HOXB3: variants seen among roughly 807,000 people sequenced by gnomAD.
The protein encoded by HOXB3 is homeobox protein Hox-B3.
A neutral mutation model predicts 29.2 loss-of-function variants in HOXB3; 17 were observed. The observed-to-expected ratio is 0.58, with a 90% confidence interval of 0.40 to 0.87. The LOEUF (loss-of-function observed/expected upper bound fraction) is 0.87, where lower values mean the gene tolerates loss of function less well. Among genes scored for constraint, HOXB3 ranks in the 40% least tolerant of loss-of-function variants. The pLI, the probability that HOXB3 is intolerant of heterozygous loss-of-function variation, is 0.00. For missense variants in HOXB3, 637 were observed against 616.3 expected (o/e 1.03, Z -0.35); for synonymous variants, 317 against 285.9 (o/e 1.11, Z -1.10).
At chr17:48,578,627 CAGAGAGAGAGCG>C in intron 1 of HOXB3, 1 of 346,240 alleles carries the variant, frequency 2.9e-6, no homozygotes, top group Non-Finnish European at 5.3e-6. Flanking sequence ...TCTCCGGGAT[CAGAGAGAGAGCG>C]AGAGAGAGAG....
In HOXB3 at chr17:48,550,181, C is replaced by CT; in HGVS notation, c.*152_*153insA. On this transcript the variant is annotated 3_prime_UTR_variant, in exon 5 of 5. Transcript: ENST00000498678. The stretch of plus-strand genomic sequence containing the variant: ...AAGACTTAAAAGCAACCTCTCAGGC[C>CT]AGGGGGAAGGGAAGGAGCTCCAGGC... The CT allele has an allele frequency of 3.0e-6, 3 of 983,820 alleles. No individual in the cohort carries two copies. The highest frequency in any genetic ancestry group is 1.6e-5 in the African/African-American group (1 of 61,010). The allele number at this position is 983,820 out of a possible 1,614,324, so 60.9% of individuals were successfully genotyped here.
At position 48,550,028 on chromosome 17, in the gene HOXB3, C is replaced by T; in HGVS notation, c.*306G>A. 2.8e-6 allele frequency: 1 copy of T among 357,810 alleles called. No individual in the cohort carries two copies. Among genetic ancestry groups the T allele is most frequent in the Non-Finnish European group, 5.1e-6 (1 of 195,758 alleles). 22.2% of individuals were successfully genotyped at this position (357,810 alleles called of 1,614,324 possible). A position where few individuals can be genotyped will look rare whatever the true frequency, so the allele number is the denominator to read the frequency against. On this transcript the variant is annotated 3_prime_UTR_variant, in exon 5 of 5. Transcript: ENST00000498678. ...TTTCTGCCTCGTCCTGTCTCGTCTT[C>T]CTCTACCCCACTCCCGGGCGTGGAA...
At chr17:48,560,593 T>C (rs1346379624) in intron 2 of HOXB3, among the ~76,000 whole-genome samples, 2 of 152,144 alleles carry the variant, frequency 1.3e-5, no homozygotes, top group African/African-American at 2.4e-5. Context: ...TCCCCTCCCC[T>C]GCTAGCCTCT....
chr17:48,576,595 T>C, intron 1 of HOXB3: 1 of 759,262 alleles, frequency 1.3e-6, no homozygotes, highest in East Asian at 2.7e-5. Context: ...GTATATAAAG[T>C]GTGGGGGAGG....
intron 1 of HOXB3, chr17:48,575,299 GC>G (rs2069723540): frequency 6.6e-6 from 1 of 152,050 alleles, no homozygotes; most frequent in African/African-American, 2.4e-5. Context: ...AAAATTAAAA[GC>G]CCCAAAACAA....
At chr17:48,552,658 G>C (rs1004975604) in intron 3 of HOXB3, 26 bp from the exon 4 acceptor site, 41 of 544,856 alleles carry the variant, frequency 7.5e-5, no homozygotes, top group Non-Finnish European at 1.2e-4. Context: ...AGAGACACAA[G>C]GGGGAGAAGA....
At chr17:48,572,929 G>A (rs1177454710) in intron 2 of HOXB3, among the ~76,000 whole-genome samples, 2 of 152,046 alleles carry the variant, frequency 1.3e-5, no homozygotes, top group African/African-American at 4.8e-5. Context: ...TTCTAATACT[G>A]AGCTAATCGC....
chr17:48,571,384 C>T (rs2069580633), intron 2 of HOXB3, among the ~76,000 whole-genome samples: 1 of 152,216 alleles, frequency 6.6e-6, no homozygotes, highest in African/African-American at 2.4e-5. Flanking sequence ...CTGGGCAACC[C>T]CCTCTGCCCA....
chr17:48,581,069 A>G (rs1457586802), intron 1 of HOXB3: 2 of 152,158 alleles, frequency 1.3e-5, no homozygotes, highest in African/African-American at 4.8e-5. Context: ...AGTCAAAATA[A>G]TATCAATTTC....
intron 1 of HOXB3, among the ~76,000 whole-genome samples, chr17:48,584,320 C>A (rs1037109086): frequency 1.1e-4 from 17 of 152,170 alleles, no homozygotes; most frequent in Non-Finnish European, 2.2e-4. Flanking sequence ...TTTCAGTAGG[C>A]AAGTTCTTAA....
At chr17:48,572,707 TC>T (rs2144861520) in intron 2 of HOXB3, among the ~76,000 whole-genome samples, 1 of 152,208 alleles carries the variant, frequency 6.6e-6, no homozygotes, top group African/African-American at 2.4e-5. Context: ...TACGTTTTTT[TC>T]CCCCAGTGGG....
At chr17:48,578,732 G>T (rs569131652) in intron 1 of HOXB3, 1 of 214,296 alleles carries the variant, frequency 4.7e-6, no homozygotes, top group South Asian at 6.4e-5. Flanking sequence ...TGGGGCTCCC[G>T]GTGTAGCCCT....
chr17:48,551,247 G>C, intron 4 of HOXB3, 66 bp from the exon 5 acceptor site: 1 of 1,257,424 alleles, frequency 8.0e-7, no homozygotes, highest in Non-Finnish European at 1.0e-6. Context: ...TGAACACGCC[G>C]AAATTGAATG....
At chr17:48,555,876 C>G (rs2068968928) in intron 2 of HOXB3, among the ~76,000 whole-genome samples, 1 of 152,316 alleles carries the variant, frequency 6.6e-6, no homozygotes, top group South Asian at 2.1e-4. Context: ...CGGGCTCCAG[C>G]AGGGCTAAGC....
Position 48,551,058 on chromosome 17 carries a change from G to C in HOXB3, c.572C>G (p.Ala191Gly). The change falls in exon 5 of 5, where the codon GCG (alanine) becomes GGG (glycine). Residue 191 changes from alanine to glycine, a missense_variant. Coordinates refer to ENST00000498678, the MANE Select transcript of HOXB3 (RefSeq NM_001384749.1). The part of the protein sequence containing the change: ...SPPGSAASKR[A>G]RTAYTSAQLV... ...CTGCGCGCTCGTGTACGCCGTCCGC[G>C]CCCGCTTGGACGCCGCCGACCCCGG... 6.3e-7 allele frequency: 1 copy of C among 1,581,084 alleles called. No individual in the cohort carries two copies.
chr17:48,577,833 G>A (rs747468447), intron 1 of HOXB3: 3 of 1,388,972 alleles, frequency 2.2e-6, no homozygotes, highest in Non-Finnish European at 2.8e-6. Context: ...CTCCAGGGGT[G>A]GGAGGGGGAA....
chr17:48,565,659 TC>T (rs1487685679), intron 2 of HOXB3, among the ~76,000 whole-genome samples: 1 of 152,252 alleles, frequency 6.6e-6, no homozygotes, highest in Non-Finnish European at 1.5e-5. Flanking sequence ...AGTCTCTTCT[TC>T]CCTTTCCTCT....
intron 1 of HOXB3, among the ~76,000 whole-genome samples, chr17:48,589,026 C>T (rs543085166): frequency 1.3e-5 from 2 of 150,258 alleles, no homozygotes; most frequent in Non-Finnish European, 3.0e-5. Flanking sequence ...GTTAGCCCCA[C>T]GGGTGTTAAA....
In HOXB3 at chr17:48,549,470, CCT is replaced by C. The variant is rs889693134; in HGVS notation, c.*862_*863del. The C allele has an allele frequency of 6.6e-5, 10 of 152,386 alleles. No homozygotes were observed. The highest frequency in any genetic ancestry group is 2.2e-4 in the African/African-American group (9 of 41,334). 9.4% of individuals were successfully genotyped at this position (152,386 alleles called of 1,614,324 possible). On this transcript the variant is annotated 3_prime_UTR_variant, in exon 5 of 5. Coordinates refer to ENST00000498678, the MANE Select transcript of HOXB3 (RefSeq NM_001384749.1). ...CCTGGGACAGTTTGTTCAAATATAC[CCT>C]GTTTTCACGTTAAGTCAAGAGAGCA...
Sources: gnomAD v4.1 joint callset for allele counts (sites outside exome capture counted in the v4.1 genomes callset) on GRCh38, gnomAD v4.1.1 for gene constraint, MANE v1.5 for transcripts, NCBI Gene and HGNC (gene_info 2026-07-23, HGNC 2026-07-21) for gene names.